The following ATXN10 variants were observed in gnomAD, a reference collection of about 807,000 sequenced individuals.
ATXN10 encodes ataxin-10.
A neutral mutation model predicts 52.9 loss-of-function variants in ATXN10; 28 were observed. The ratio of observed to expected loss-of-function variants is 0.53; its 90% CI spans 0.39 to 0.73. ATXN10 has a LOEUF of 0.73. Ranked by LOEUF, ATXN10 falls within the 30% of genes least tolerant of loss-of-function variation. The probability of loss-of-function intolerance (pLI) is 0.00; values close to 1 mark genes in which losing one functional copy is unlikely to be tolerated. For missense variants in ATXN10, 565 were observed against 577.0 expected, an observed-to-expected ratio of 0.98 and a Z score of 0.21; for synonymous variants, 226 against 221.5, an observed-to-expected ratio of 1.02 and a Z score of -0.18.
chr22:45,819,849 C>T lies in ATXN10; in HGVS notation c.1237+12827C>T, dbSNP rs148585837. ...CTTTTTAAATTGCGAAACTTAAATA[C>T]CATTGCCACACAGATTATATATTTT... On this transcript the variant is annotated intron_variant, in intron 10 of 11. Transcript: ENST00000252934. This position sits in a 1 kb window ranked among gnomAD's most constrained non-coding sequence, Gnocchi z 4.5. 1.2e-4 allele frequency among the ~76,000 whole-genome samples: 19 copies of T among 152,282 alleles called. No individual in the cohort carries two copies. The East Asian group carries it at 3.7e-3, about 29-fold the overall frequency.
intron 10 of ATXN10, among the ~76,000 whole-genome samples, chr22:45,817,048 C>T (rs899703763): frequency 2.0e-5 from 3 of 152,150 alleles, no homozygotes; most frequent in Non-Finnish European, 1.5e-5. Flanking sequence ...GGAGCGCCTG[C>T]TCTGTGTTCA....
rs565486281 is a variant in ATXN10 at position 45,732,454 on chromosome 22, C to T, written c.894+2864C>T. Among the ~76,000 whole-genome samples the T allele has an allele frequency of 6.6e-6, 1 of 151,650 alleles. No homozygotes were observed. The highest frequency in any genetic ancestry group is 2.1e-4 in the South Asian group (1 of 4,806). ...AGCCTGGGGAAGAGTGAGATCCTGT[C>T]TCCAAAAAAAAAGAAAAAATTGTAG... On this transcript the variant is annotated intron_variant, in intron 7 of 11. Transcript: ENST00000252934. The surrounding 1 kb of genome is among the most constrained non-coding windows in gnomAD (Gnocchi z 4.5).
chr22:45,746,426 G>A (rs144915801), intron 9 of ATXN10, among the ~76,000 whole-genome samples: 232 of 152,102 alleles, frequency 1.5e-3, no homozygotes, highest in African/African-American at 5.4e-3. Context: ...TATTTAGGTT[G>A]TTGCTCTTAA....
At position 45,800,894 on chromosome 22, in the gene ATXN10, C is replaced by T. The variant is rs551264904; in HGVS notation, c.1174-6065C>T. Among the ~76,000 whole-genome samples the T allele has an allele frequency of 2.2e-4, 34 of 152,228 alleles. No individual in the cohort carries two copies. In the South Asian group the frequency reaches 6.4e-3, roughly 29 times the overall value. On this transcript the variant is annotated intron_variant, in intron 9 of 11. Coordinates refer to ENST00000252934, the MANE Select transcript of ATXN10 (RefSeq NM_013236.4). ...TGCCTAAGAGGAGATGGGGCAGGGG[C>T]GAGGTGAGCTGCAGTGATTGCAGAG...
Position 45,712,406 on chromosome 22 carries a change from T to G in ATXN10, c.648-6007T>G. The stretch of plus-strand genomic sequence containing the variant: ...GGAGGGAAACATAGTTTAATTTCTT[T>G]GATTTTTGTTGGAGTTGAATTCTGA... On this transcript the variant is annotated intron_variant, in intron 5 of 11. Coordinates refer to ENST00000252934, the MANE Select transcript of ATXN10 (RefSeq NM_013236.4). The surrounding 1 kb of genome is among the most constrained non-coding windows in gnomAD (Gnocchi z 4.6). 6.6e-6 allele frequency among the ~76,000 whole-genome samples: 1 copy of G among 152,254 alleles called. No individual in the cohort carries two copies. Among genetic ancestry groups the G allele is most frequent in the East Asian group, 1.9e-4 (1 of 5,200 alleles).
chr22:45,690,076 C>G lies in ATXN10; in HGVS notation c.308+173C>G, dbSNP rs750064388. ...TTGCTTGAGTCCAGGAGTTCAAGACCGGCCTGGGCAACATGGTGAGACCCT... is the reference window on the plus strand; with the variant it reads ...TTGCTTGAGTCCAGGAGTTCAAGACGGGCCTGGGCAACATGGTGAGACCCT... On this transcript the variant is annotated intron_variant, in intron 2 of 11. Transcript: ENST00000252934. The surrounding 1 kb of genome is among the most constrained non-coding windows in gnomAD (Gnocchi z 4.5). Among the ~76,000 whole-genome samples, 1 of 151,964 alleles carries G rather than the reference C, an allele frequency of 6.6e-6. No homozygotes were observed. Among genetic ancestry groups the G allele is most frequent in the Non-Finnish European group, 1.5e-5 (1 of 67,990 alleles).
rs943151597 is a variant in ATXN10, at chr22:45,678,482, T to C, written c.116+6303T>C. The C allele has an allele frequency of 2.6e-5, 4 of 152,196 alleles. No individual in the cohort carries two copies. In the South Asian group the frequency reaches 8.3e-4, roughly 32 times the overall value. The allele number at this position is 152,196 out of a possible 1,614,324, so 9.4% of individuals were successfully genotyped here. On this transcript the variant is annotated intron_variant, in intron 1 of 11. Coordinates refer to ENST00000252934, the MANE Select transcript of ATXN10 (RefSeq NM_013236.4). This position sits in a 1 kb window ranked among gnomAD's most constrained non-coding sequence, Gnocchi z 4.1. ...ATGATTTTTAAAAAGTCACATTGTTTGGAGTAGAGGGGATGTGTTTAAAAT... is the reference window on the plus strand; with the variant it reads ...ATGATTTTTAAAAAGTCACATTGTTCGGAGTAGAGGGGATGTGTTTAAAAT...
At chr22:45,838,044 T>C (rs1194646583) in intron 10 of ATXN10, among the ~76,000 whole-genome samples, 2 of 152,210 alleles carry the variant, frequency 1.3e-5, no homozygotes, top group Non-Finnish European at 2.9e-5. Flanking sequence ...AAGAATAGTT[T>C]AGCTTGATGC....
rs1027875197 is a variant in ATXN10, at chr22:45,727,345, A to G, written c.729-2080A>G. ...TCTATCTATCTATATCTATCTATCT[A>G]TCTATCTATCTATCTATCTATCTAT... On this transcript the variant is annotated intron_variant, in intron 6 of 11. Coordinates refer to ENST00000252934, the MANE Select transcript of ATXN10 (RefSeq NM_013236.4). This position sits in a 1 kb window ranked among gnomAD's most constrained non-coding sequence, Gnocchi z 4.6. 6.6e-6 allele frequency among the ~76,000 whole-genome samples: 1 copy of G among 151,472 alleles called. No homozygotes were observed. The highest frequency in any genetic ancestry group is 1.5e-5 in the Non-Finnish European group (1 of 67,890).
chr22:45,817,856 G>A (rs887379545), intron 10 of ATXN10, among the ~76,000 whole-genome samples: 13 of 152,008 alleles, frequency 8.6e-5, no homozygotes, highest in East Asian at 3.9e-4. Flanking sequence ...GCAGCCCACC[G>A]CCACCAACTG....
rs911835059 is a variant in ATXN10 at position 45,841,767 on chromosome 22, G to A, written c.1238-1224G>A. Among the ~76,000 whole-genome samples, 1 of 152,220 alleles carries A rather than the reference G, an allele frequency of 6.6e-6. No individual in the cohort carries two copies. Among genetic ancestry groups the A allele is most frequent in the Non-Finnish European group, 1.5e-5 (1 of 68,038 alleles). On this transcript the variant is annotated intron_variant, in intron 10 of 11. Transcript: ENST00000252934. The surrounding 1 kb of genome is among the most constrained non-coding windows in gnomAD (Gnocchi z 5.1). The stretch of plus-strand genomic sequence containing the variant: ...CCAAATACTACAGGAAAGAGCACCA[G>A]CTTTGTGAATGTTGAAGTTTTCTCT...
rs11705057 is a variant in ATXN10 at position 45,744,575 on chromosome 22, G to C, written c.1173+4037G>C. ...GAGTGAGAATTGCCGTGTGCTGCAT[G>C]CTCTGGAGAAGACAGTCGCTTTAGT... On this transcript the variant is annotated intron_variant, in intron 9 of 11. Transcript: ENST00000252934. The surrounding 1 kb of genome is among the most constrained non-coding windows in gnomAD (Gnocchi z 4.9). 13,741 of 152,254 alleles carry C rather than the reference G, an allele frequency of 0.09. 790 individuals carry two copies. Among genetic ancestry groups the C allele is most frequent in the Middle Eastern group, 0.16 (46 of 294 alleles). The allele number at this position is 152,254 out of a possible 1,614,324, so 9.4% of individuals were successfully genotyped here.
intron 3 of ATXN10, among the ~76,000 whole-genome samples, chr22:45,694,522 C>G (rs985518278): frequency 3.3e-5 from 5 of 152,070 alleles, no homozygotes; most frequent in Admixed American, 2.6e-4. Context: ...TGGCTCAAGC[C>G]TGTAATCCCA....
chr22:45,772,461 T>G lies in ATXN10; in HGVS notation c.1173+31923T>G, dbSNP rs1926811175. Among the ~76,000 whole-genome samples, 1 of 152,252 alleles carries G rather than the reference T, an allele frequency of 6.6e-6. No homozygotes were observed. Among genetic ancestry groups the G allele is most frequent in the African/African-American group, 2.4e-5 (1 of 41,460 alleles). On this transcript the variant is annotated intron_variant, in intron 9 of 11. Transcript: ENST00000252934. The surrounding 1 kb of genome is among the most constrained non-coding windows in gnomAD (Gnocchi z 4.1). ...GCCTGTCTCTTCACCATTACAACATTGTCTTTATTACTGTCAATTTACAGT... is the reference window on the plus strand; with the variant it reads ...GCCTGTCTCTTCACCATTACAACATGGTCTTTATTACTGTCAATTTACAGT...
rs371332633 is a variant in ATXN10, at chr22:45,842,545, C to G, written c.1238-446C>G. Among the ~76,000 whole-genome samples the G allele has an allele frequency of 6.6e-6, 1 of 152,212 alleles. No homozygotes were observed. Among genetic ancestry groups the G allele is most frequent in the Non-Finnish European group, 1.5e-5 (1 of 68,032 alleles). ...GATGATTTTCCTGATTCTAACCTGA[C>G]GTCTTTGTGACTGATTCTTTAGTGC... is the stretch of plus-strand genomic sequence containing the variant. On this transcript the variant is annotated intron_variant, in intron 10 of 11. Coordinates refer to ENST00000252934, the MANE Select transcript of ATXN10 (RefSeq NM_013236.4). The surrounding 1 kb of genome is among the most constrained non-coding windows in gnomAD (Gnocchi z 4.8).
At position 45,718,283 on chromosome 22, in the gene ATXN10, G is replaced by T; in HGVS notation, c.648-130G>T. ...TATGTGAACCTTTTAAGACATTTAA[G>T]ATTACAGCAAATCAAAAATTCACTG... is the stretch of plus-strand genomic sequence containing the variant. On this transcript the variant is annotated intron_variant, in intron 5 of 11. Coordinates refer to ENST00000252934, the MANE Select transcript of ATXN10 (RefSeq NM_013236.4). This position sits in a 1 kb window ranked among gnomAD's most constrained non-coding sequence, Gnocchi z 4.4. The T allele has an allele frequency of 1.3e-6, 1 of 790,796 alleles. No individual in the cohort carries two copies. The highest frequency in any genetic ancestry group is 2.3e-6 in the Non-Finnish European group (1 of 443,178). 49.0% of individuals were successfully genotyped at this position (790,796 alleles called of 1,614,324 possible). A position where few individuals can be genotyped will look rare whatever the true frequency, so the allele number is the denominator to read the frequency against.
rs1208654847 is a variant in ATXN10 at position 45,690,848 on chromosome 22, T to G, written c.308+945T>G. Reference sequence around the variant, plus strand: ...TGTGGAACCTGCTTTTTATTAAAAATTTTTACTTGAAGTCAGAAGCCACAA... The same window carrying G: ...TGTGGAACCTGCTTTTTATTAAAAAGTTTTACTTGAAGTCAGAAGCCACAA... On this transcript the variant is annotated intron_variant, in intron 2 of 11. Transcript: ENST00000252934. This position sits in a 1 kb window ranked among gnomAD's most constrained non-coding sequence, Gnocchi z 4.5. Among the ~76,000 whole-genome samples, 4 of 152,178 alleles carry G rather than the reference T, an allele frequency of 2.6e-5. No homozygotes were observed. The highest frequency in any genetic ancestry group is 7.2e-5 in the African/African-American group (3 of 41,452).
chr22:45,815,201 T>TA (rs1441092486), intron 10 of ATXN10, among the ~76,000 whole-genome samples: 1 of 152,190 alleles, frequency 6.6e-6, no homozygotes, highest in Non-Finnish European at 1.5e-5. Context: ...TGAATCTCAC[T>TA]AGCATGATAC....
intron 5 of ATXN10, among the ~76,000 whole-genome samples, chr22:45,711,361 G>A (rs574128560): frequency 6.6e-6 from 1 of 152,274 alleles, no homozygotes; most frequent in South Asian, 2.1e-4. Flanking sequence ...GTGGTTGTCG[G>A]GGATTGAGGA....
Sources: gnomAD v4.1 joint callset for allele counts (sites outside exome capture counted in the v4.1 genomes callset) on GRCh38, gnomAD v4.1.1 for gene constraint, Gnocchi (gnomAD v3.1) non-coding constraint, MANE v1.5 for transcripts, NCBI Gene and HGNC (gene_info 2026-07-23, HGNC 2026-07-21) for gene names.